The following CFAP61 variants were observed in gnomAD, a reference collection of about 807,000 sequenced individuals.
CFAP61 encodes cilia and flagella associated protein 61.
In CFAP61, 107 loss-of-function variants were observed where a neutral mutation model predicts 135.6. The observed-to-expected ratio is 0.79, with a 90% confidence interval of 0.67 to 0.93. The LOEUF is 0.93. Among genes scored for constraint, CFAP61 ranks in the 40% least tolerant of loss-of-function variants. The pLI, the probability that CFAP61 is intolerant of heterozygous loss-of-function variation, is 0.00. For synonymous variants in CFAP61, 575 were observed against 578.5 expected (o/e 0.99, Z 0.09); for missense variants, 1,507 against 1,556.2 (o/e 0.97, Z 0.53).
intron 13 of CFAP61, among the ~76,000 whole-genome samples, chr20:20,182,430 G>A (rs778361804): frequency 2.0e-5 from 3 of 152,110 alleles, no homozygotes; most frequent in Non-Finnish European, 4.4e-5. Context: ...AACCTCATGT[G>A]CCTTATTTAA....
intron 13 of CFAP61, among the ~76,000 whole-genome samples, chr20:20,173,845 G>A (rs571775950): frequency 7.9e-5 from 12 of 152,244 alleles, no homozygotes; most frequent in African/African-American, 2.4e-4. Flanking sequence ...GAGATGATAC[G>A]GATCTAGGAA....
chr20:20,169,286 T>C (rs987367208), intron 12 of CFAP61, 35 bp from the exon 13 acceptor site: 3 of 1,576,750 alleles, frequency 1.9e-6, no homozygotes, highest in Non-Finnish European at 2.6e-6. Flanking sequence ...ATTTTTTTTA[T>C]TCTTTCTCTG....
chr20:20,082,285 T>G (rs1267196729), intron 6 of CFAP61, among the ~76,000 whole-genome samples: 1 of 152,272 alleles, frequency 6.6e-6, no homozygotes, highest in Non-Finnish European at 1.5e-5. Flanking sequence ...GTAATTATCC[T>G]TCAGCCATTT....
intron 16 of CFAP61, among the ~76,000 whole-genome samples, chr20:20,198,149 C>T (rs2056412750): frequency 1.3e-5 from 2 of 152,004 alleles, no homozygotes; most frequent in Admixed American, 1.3e-4. Flanking sequence ...TTTTTCCTGT[C>T]AAAATGCAGC....
chr20:20,205,358 A>G (rs1883946), intron 17 of CFAP61, among the ~76,000 whole-genome samples: 15,363 of 152,194 alleles, frequency 0.1, 840 homozygotes, highest in Middle Eastern at 0.16. Flanking sequence ...AGAGCAGGTA[A>G]ATAACTTGTC....
At chr20:20,312,112 C>A (rs1443504845) in intron 25 of CFAP61, among the ~76,000 whole-genome samples, 1 of 152,104 alleles carries the variant, frequency 6.6e-6, no homozygotes, top group Non-Finnish European at 1.5e-5. Flanking sequence ...CAAAATGATA[C>A]AATTTCTGAT....
At chr20:20,146,810 C>T (rs1213841749) in intron 9 of CFAP61, among the ~76,000 whole-genome samples, 1 of 152,088 alleles carries the variant, frequency 6.6e-6, no homozygotes, top group Non-Finnish European at 1.5e-5. Context: ...TTTTGGTTAC[C>T]TGGATAAGTT....
chr20:20,242,017 T>C (rs1368242606), intron 18 of CFAP61, among the ~76,000 whole-genome samples: 1 of 152,246 alleles, frequency 6.6e-6, no homozygotes, highest in African/African-American at 2.4e-5. Flanking sequence ...TTAGAGACTT[T>C]AGAGCAAAAC....
intron 13 of CFAP61, among the ~76,000 whole-genome samples, chr20:20,187,107 C>T (rs1242122058): frequency 6.6e-6 from 1 of 152,186 alleles, no homozygotes; most frequent in East Asian, 1.9e-4. Context: ...CGCCATGGCA[C>T]TGCCTGCCCA....
chr20:20,119,133 T>G (rs1413010823), intron 8 of CFAP61, among the ~76,000 whole-genome samples: 6 of 152,178 alleles, frequency 3.9e-5, no homozygotes, highest in African/African-American at 1.2e-4. Context: ...GCTGTCCTCA[T>G]ACAATGAGTT....
intron 2 of CFAP61, among the ~76,000 whole-genome samples, chr20:20,057,120 T>TAAAAAAAA: frequency 9.8e-6 from 1 of 102,124 alleles, no homozygotes; most frequent in Non-Finnish European, 2.0e-5. Context: ...CTGTCTCAAT[T>TAAAAAAAA]AAAAAAAAAA....
chr20:20,064,032 A>ACCCCACCCCC (rs373522191), intron 2 of CFAP61, among the ~76,000 whole-genome samples: 1 of 113,220 alleles, frequency 8.8e-6, no homozygotes, highest in Non-Finnish European at 2.0e-5. Flanking sequence ...AAATAGAGTA[A>ACCCCACCCCC]CCGCCCCCCA....
intron 21 of CFAP61, chr20:20,265,505 T>C (rs1440150971): frequency 5.1e-6 from 4 of 779,662 alleles, no homozygotes; most frequent in Non-Finnish European, 9.6e-6. Context: ...AAATGTTTTT[T>C]CAAGATTTAA....
chr20:20,295,324 C>T (rs1472819573), intron 24 of CFAP61, among the ~76,000 whole-genome samples: 1 of 152,078 alleles, frequency 6.6e-6, no homozygotes, highest in African/African-American at 2.4e-5. Context: ...CCCCTTGACA[C>T]CTGGGCTCCC....
chr20:20,095,342 T>C (rs1402853634), intron 7 of CFAP61, among the ~76,000 whole-genome samples: 2 of 152,208 alleles, frequency 1.3e-5, no homozygotes, highest in African/African-American at 4.8e-5. Flanking sequence ...CACGTTACTT[T>C]AAGGCAACCA....
At chr20:20,232,623 G>A (rs1447104172) in intron 18 of CFAP61, 2 of 152,168 alleles carry the variant, frequency 1.3e-5, no homozygotes, top group African/African-American at 4.8e-5. Context: ...ATAGAGCTGA[G>A]GCAGTTGCTG....
intron 9 of CFAP61, among the ~76,000 whole-genome samples, chr20:20,149,103 T>C (rs536166136): frequency 6.6e-6 from 1 of 152,128 alleles, no homozygotes; most frequent in African/African-American, 2.4e-5. Flanking sequence ...ATAAAATACT[T>C]CACTCAACAA....
intron 8 of CFAP61, among the ~76,000 whole-genome samples, chr20:20,109,968 G>A (rs893284169): frequency 2.0e-5 from 3 of 151,050 alleles, no homozygotes; most frequent in Non-Finnish European, 4.4e-5. Flanking sequence ...GTGCAATGGC[G>A]CAATCTCGGC....
chr20:20,257,012 T>C (rs2051662873), intron 20 of CFAP61, among the ~76,000 whole-genome samples: 1 of 152,126 alleles, frequency 6.6e-6, no homozygotes, highest in African/African-American at 2.4e-5. Flanking sequence ...TAGTTTCTCA[T>C]AGAATGGCAG....
Sources: gnomAD v4.1 joint callset for allele counts (sites outside exome capture counted in the v4.1 genomes callset) on GRCh38, gnomAD v4.1.1 for gene constraint, MANE v1.5 for transcripts, NCBI Gene and HGNC (gene_info 2026-07-23, HGNC 2026-07-21) for gene names.